The following ROBO1 variants were observed in gnomAD, a reference collection of about 807,000 sequenced individuals.
The protein encoded by ROBO1 is roundabout homolog 1.
In ROBO1, 149 loss-of-function variants were observed where a neutral mutation model predicts 195.9. That is an observed-to-expected ratio of 0.76 (90% CI 0.67 to 0.87). The LOEUF (loss-of-function observed/expected upper bound fraction) is 0.87. Ranked by LOEUF, ROBO1 falls within the 40% of genes least tolerant of loss-of-function variation. The pLI is 0.00. For synonymous variants in ROBO1, 816 were observed against 733.2 expected, an observed-to-expected ratio of 1.11 and a Z score of -1.82; for missense variants, 1,933 against 2,068.3, an observed-to-expected ratio of 0.93 and a Z score of 1.27.
intron 3 of ROBO1, among the ~76,000 whole-genome samples, chr3:78,951,452 C>T (rs1257923911): frequency 1.3e-5 from 2 of 152,004 alleles, no homozygotes; most frequent in African/African-American, 2.4e-5. Flanking sequence ...ATTGGCAGAA[C>T]CAACTTCCAG....
chr3:79,714,025 C>A (rs957223017), intron 1 of ROBO1, among the ~76,000 whole-genome samples: 32 of 152,186 alleles, frequency 2.1e-4, no homozygotes, highest in Non-Finnish European at 4.3e-4. Flanking sequence ...AGTCATGTAG[C>A]ATGATGCCTC....
At chr3:79,015,379 C>T (rs1301700107) in intron 3 of ROBO1, among the ~76,000 whole-genome samples, 15 of 143,320 alleles carry the variant, frequency 1.0e-4, no homozygotes, top group African/African-American at 3.2e-4. Context: ...CCCTCCCCCA[C>T]GCCCCCCCCC....
chr3:79,259,251 C>G (rs1559771128), intron 2 of ROBO1, among the ~76,000 whole-genome samples: 1 of 152,064 alleles, frequency 6.6e-6, no homozygotes, highest in East Asian at 1.9e-4. Flanking sequence ...CTCAAGGGAT[C>G]CTCCCACTTC....
At position 78,668,147 on chromosome 3, in the gene ROBO1, T is replaced by C. The variant is rs752994515; in HGVS notation, c.1786A>G (p.Ile596Val). 23 of 1,613,464 alleles carry C rather than the reference T, an allele frequency of 1.4e-5. No homozygotes were observed. The highest frequency in any genetic ancestry group is 6.7e-5 in the Admixed American group (4 of 59,904). Reference protein sequence around the residue: ...NSGATPTSYIIEAFSHASGSS... With the variant: ...NSGATPTSYIVEAFSHASGSS... ...CCTTCACTCTACCTGAAGGCTTCTA[T>C]AATATAAGATGTTGGAGTTGCTCCT... The change falls in exon 13 of 31, where the codon ATA becomes GTA. Residue 596 changes from isoleucine to valine, a missense_variant. By Grantham distance (29) the Ile-to-Val change is conservative. This residue lies in a region of ROBO1 where 1,737 missense variants were observed against 1,882.5 expected (regional missense o/e 0.92). Coordinates refer to ENST00000464233, the MANE Select transcript of ROBO1 (RefSeq NM_002941.4).
At chr3:78,719,007 G>A (rs1012223417) in intron 5 of ROBO1, among the ~76,000 whole-genome samples, 1 of 152,172 alleles carries the variant, frequency 6.6e-6, no homozygotes, top group African/African-American at 2.4e-5. Context: ...ATGCCTAAAT[G>A]GCTTTATTTT....
chr3:78,750,454 A>T (rs1576083686), intron 4 of ROBO1, among the ~76,000 whole-genome samples: 2 of 135,990 alleles, frequency 1.5e-5, no homozygotes, highest in African/African-American at 5.5e-5. Context: ...CTCCATCTCA[A>T]AAATAAATAA....
At chr3:79,425,871 G>T (rs1432858390) in intron 2 of ROBO1, among the ~76,000 whole-genome samples, 2 of 152,126 alleles carry the variant, frequency 1.3e-5, no homozygotes, top group Non-Finnish European at 2.9e-5. Flanking sequence ...GCTCTCACTT[G>T]TTATTGGTTG....
chr3:79,396,605 G>T (rs896745261), intron 2 of ROBO1, among the ~76,000 whole-genome samples: 6 of 152,006 alleles, frequency 3.9e-5, no homozygotes, highest in Non-Finnish European at 7.4e-5. Context: ...ATTATGTAAC[G>T]ACAGTTATCT....
At chr3:79,125,140 C>A (rs1576705747) in intron 3 of ROBO1, among the ~76,000 whole-genome samples, 1 of 150,932 alleles carries the variant, frequency 6.6e-6, no homozygotes. Context: ...AAAACTTAGT[C>A]AAATATTAAA....
chr3:79,363,079 T>C (rs1250823490), intron 2 of ROBO1, among the ~76,000 whole-genome samples: 1 of 152,180 alleles, frequency 6.6e-6, no homozygotes, highest in Non-Finnish European at 1.5e-5. Context: ...CTAAATGAGC[T>C]ATCAGAAAAA....
intron 3 of ROBO1, among the ~76,000 whole-genome samples, chr3:78,990,203 C>T (rs1381688614): frequency 1.3e-5 from 2 of 152,120 alleles, no homozygotes; most frequent in Non-Finnish European, 2.9e-5. Context: ...GGTGTTCTTT[C>T]AATCATTGTT....
chr3:78,976,408 C>T (rs1416135436), intron 3 of ROBO1, among the ~76,000 whole-genome samples: 1 of 152,160 alleles, frequency 6.6e-6, no homozygotes, highest in Non-Finnish European at 1.5e-5. Context: ...CTCCACTGTG[C>T]CGGTGAGTCT....
chr3:79,273,870 A>G (rs979099292), intron 2 of ROBO1, among the ~76,000 whole-genome samples: 2 of 152,060 alleles, frequency 1.3e-5, no homozygotes, highest in Non-Finnish European at 2.9e-5. Context: ...TTAAAAAACT[A>G]TAATGCTAAC....
chr3:79,582,596 AACTGAATTTACC>A (rs2107793277), intron 2 of ROBO1, among the ~76,000 whole-genome samples: 2 of 152,094 alleles, frequency 1.3e-5, no homozygotes, highest in South Asian at 4.1e-4. Flanking sequence ...AGAATAGATA[AACTGAATTTACC>A]ACTTTTCTAC....
intron 2 of ROBO1, among the ~76,000 whole-genome samples, chr3:79,334,446 T>C (rs2034584849): frequency 6.6e-6 from 1 of 150,952 alleles, no homozygotes; most frequent in African/African-American, 2.4e-5. Flanking sequence ...CTTCCTCAAC[T>C]AAAATATTAG....
chr3:79,725,329 C>T (rs1421271352), intron 1 of ROBO1, among the ~76,000 whole-genome samples: 13 of 150,194 alleles, frequency 8.7e-5, no homozygotes, highest in African/African-American at 2.7e-4. Flanking sequence ...CGGGTTCACG[C>T]CATTCTCCTG....
At chr3:78,724,521 A>G (rs112863276) in intron 5 of ROBO1, among the ~76,000 whole-genome samples, 1 of 150,542 alleles carries the variant, frequency 6.6e-6, no homozygotes, top group Admixed American at 6.6e-5. Context: ...ACTAAAAAAA[A>G]AAAAAAAAAA....
rs906691812 is a variant in ROBO1 at position 78,682,696 on chromosome 3, A to C, written c.1342+3050T>G. Among the ~76,000 whole-genome samples, 5 of 147,776 alleles carry C rather than the reference A, an allele frequency of 3.4e-5. No individual in the cohort carries two copies. In the South Asian group the frequency reaches 8.4e-4, roughly 25 times the overall value. Reference sequence around the variant, plus strand: ...ATATACACGTATATATACACACAGTAATATCAAAAAATATATATATACACA... The same window carrying C: ...ATATACACGTATATATACACACAGTCATATCAAAAAATATATATATACACA... On this transcript the variant is annotated intron_variant, in intron 10 of 30. Coordinates refer to ENST00000464233, the MANE Select transcript of ROBO1 (RefSeq NM_002941.4).
At chr3:79,503,099 T>C (rs7640022) in intron 2 of ROBO1, among the ~76,000 whole-genome samples, 45,776 of 151,768 alleles carry the variant, frequency 0.3, 7,120 homozygotes, top group Non-Finnish European at 0.35. Flanking sequence ...GCAATAAATC[T>C]CGCTGCTGCT....
Sources: gnomAD v4.1 joint callset for allele counts (sites outside exome capture counted in the v4.1 genomes callset) on GRCh38, gnomAD v4.1.1 for gene constraint, gnomAD v4.1.1 regional missense constraint, MANE v1.5 for transcripts, NCBI Gene and HGNC (gene_info 2026-07-23, HGNC 2026-07-21) for gene names.